Variants in EDAR observed in about 807,000 individuals in gnomAD.
The protein encoded by EDAR is ectodysplasin A receptor.
A neutral mutation model predicts 51.3 loss-of-function variants in EDAR; 38 were observed. That is an observed-to-expected ratio of 0.74 (90% CI 0.57 to 0.97). EDAR has a LOEUF of 0.97. EDAR is among the 50% of genes least tolerant of loss of function. The pLI is 0.00. For synonymous variants in EDAR, 227 were observed against 242.1 expected (o/e 0.94, Z 0.58); for missense variants, 528 against 595.0 (o/e 0.89, Z 1.17).
chr2:108,987,702 T>C (rs1698519916), intron 1 of EDAR, among the ~76,000 whole-genome samples: 1 of 152,014 alleles, frequency 6.6e-6, no homozygotes, highest in Non-Finnish European at 1.5e-5. Flanking sequence ...TGGGGAGGGG[T>C]ACAGTGGAGA....
intron 5 of EDAR, among the ~76,000 whole-genome samples, chr2:108,917,364 G>A (rs1425268291): frequency 4.6e-5 from 7 of 152,068 alleles, no homozygotes; most frequent in Non-Finnish European, 7.4e-5. Context: ...TGACTACAGC[G>A]GACAATAATG....
At chr2:108,937,804 C>T (rs969987169) in intron 1 of EDAR, among the ~76,000 whole-genome samples, 2 of 151,984 alleles carry the variant, frequency 1.3e-5, no homozygotes, top group Non-Finnish European at 1.5e-5. Context: ...CCAGACAGGC[C>T]CCATGCACAG....
At chr2:108,930,542 G>A (rs1264091614) in intron 2 of EDAR, among the ~76,000 whole-genome samples, 2 of 152,134 alleles carry the variant, frequency 1.3e-5, no homozygotes, top group Non-Finnish European at 2.9e-5. Context: ...ACTTGCCAAG[G>A]TCATGGAGGA....
intron 11 of EDAR, among the ~76,000 whole-genome samples, chr2:108,904,715 C>T (rs75640926): frequency 0.02 from 3,083 of 152,152 alleles, 90 homozygotes; most frequent in African/African-American, 0.071. Flanking sequence ...CCATTCACCA[C>T]GGTTACATAC....
rs530194340 is a variant in EDAR at position 108,984,285 on chromosome 2, T to C, written c.-19+4675A>G. On this transcript the variant is annotated intron_variant, in intron 1 of 11. Transcript: ENST00000258443. ...GGAGACCCAGCTCCTTAGAAGCAAATTACAGCAACCGGCGTGGCATGGGAT... is the reference window on the plus strand; with the variant it reads ...GGAGACCCAGCTCCTTAGAAGCAAACTACAGCAACCGGCGTGGCATGGGAT... Among the ~76,000 whole-genome samples, 13 of 152,206 alleles carry C rather than the reference T, an allele frequency of 8.5e-5. No individual in the cohort carries two copies. In the East Asian group the frequency reaches 2.1e-3, roughly 25 times the overall value.
At chr2:108,931,845 G>A (rs1697372547) in intron 1 of EDAR, among the ~76,000 whole-genome samples, 1 of 151,910 alleles carries the variant, frequency 6.6e-6, no homozygotes, top group Admixed American at 6.6e-5. Context: ...GAGATAATGT[G>A]CTCTAGTGAT....
rs1011856347 is a variant in EDAR, at chr2:108,924,168, T to C, written c.357-715A>G. On this transcript the variant is annotated intron_variant, in intron 4 of 11. Transcript: ENST00000258443. ...TCACAGTAGCTCTGTTTGAAGTCCTTCAGCTCCCAGTGATGTTCCATTATG... is the reference window on the plus strand; with the variant it reads ...TCACAGTAGCTCTGTTTGAAGTCCTCCAGCTCCCAGTGATGTTCCATTATG... Among the ~76,000 whole-genome samples, 10 of 152,228 alleles carry C rather than the reference T, an allele frequency of 6.6e-5. 1 individual carries two copies. In the East Asian group the frequency reaches 1.7e-3, roughly 26 times the overall value.
At chr2:108,960,905 C>A (rs1343190953) in intron 1 of EDAR, among the ~76,000 whole-genome samples, 2 of 152,152 alleles carry the variant, frequency 1.3e-5, no homozygotes, top group Non-Finnish European at 2.9e-5. Flanking sequence ...AAGAGTATCC[C>A]CTAAGGCTGG....
chr2:108,911,892 C>A (rs1696934905), intron 6 of EDAR, among the ~76,000 whole-genome samples: 1 of 152,242 alleles, frequency 6.6e-6, no homozygotes, highest in African/African-American at 2.4e-5. Context: ...AGCCTCCCAG[C>A]ATCATCTGGG....
chr2:108,980,504 A>G (rs1574416528), intron 1 of EDAR, among the ~76,000 whole-genome samples: 1 of 144,600 alleles, frequency 6.9e-6, no homozygotes, highest in African/African-American at 2.7e-5. Context: ...ATGTGATATT[A>G]TGTGTGTATG....
At chr2:108,971,126 C>A (rs1698224824) in intron 1 of EDAR, among the ~76,000 whole-genome samples, 1 of 152,128 alleles carries the variant, frequency 6.6e-6, no homozygotes, top group Admixed American at 6.6e-5. Context: ...GTGCCTGGAC[C>A]ACATCCTGGG....
chr2:108,926,560 C>A (rs910562868), intron 4 of EDAR, among the ~76,000 whole-genome samples: 1 of 152,236 alleles, frequency 6.6e-6, no homozygotes, highest in African/African-American at 2.4e-5. Flanking sequence ...CCTGCCCCCG[C>A]CATCCAGAAT....
At chr2:108,912,318 T>C (rs1696942708) in intron 6 of EDAR, among the ~76,000 whole-genome samples, 1 of 152,176 alleles carries the variant, frequency 6.6e-6, no homozygotes, top group Non-Finnish European at 1.5e-5. Context: ...TCAGCATGTT[T>C]ATATGAAAAC....
chr2:108,907,204 T>TTG lies in EDAR; in HGVS notation c.963+654_963+655dup, dbSNP rs142148891. Among the ~76,000 whole-genome samples the TTG allele has an allele frequency of 3.8e-4, 58 of 152,036 alleles. 1 individual carries two copies. Among genetic ancestry groups the TTG allele is most frequent in the African/African-American group, 1.2e-3 (49 of 41,478 alleles). ...TTTAAAAATGCATAGAAGAAAAACG[T>TTG]TGTGTGTGTGTGTGTCTAGAAAATT... On this transcript the variant is annotated intron_variant, in intron 10 of 11. Coordinates refer to ENST00000258443, the MANE Select transcript of EDAR (RefSeq NM_022336.4).
intron 1 of EDAR, among the ~76,000 whole-genome samples, chr2:108,972,953 G>A (rs1440309054): frequency 6.6e-6 from 1 of 152,160 alleles, no homozygotes; most frequent in Non-Finnish European, 1.5e-5. Flanking sequence ...TTAGGAAGAG[G>A]TCTCAGCAGG....
intron 1 of EDAR, among the ~76,000 whole-genome samples, chr2:108,980,829 A>G (rs2104473661): frequency 6.6e-6 from 1 of 152,298 alleles, no homozygotes; most frequent in Admixed American, 6.5e-5. Context: ...ACCTGGCACC[A>G]TACTCCATGG....
intron 1 of EDAR, among the ~76,000 whole-genome samples, chr2:108,935,755 C>G (rs1166073824): frequency 6.6e-6 from 1 of 152,214 alleles, no homozygotes; most frequent in Non-Finnish European, 1.5e-5. Context: ...ATGTGGCAAT[C>G]TTATAGGCCC....
chr2:108,930,245 G>T lies in EDAR; in HGVS notation c.52-3C>A. The T allele has an allele frequency of 1.9e-6, 3 of 1,614,042 alleles. No individual in the cohort carries two copies. Among genetic ancestry groups the T allele is most frequent in the Non-Finnish European group, 2.5e-6 (3 of 1,179,994 alleles). On this transcript the variant is annotated splice_polypyrimidine_tract_variant and splice_region_variant and intron_variant, in intron 2 of 11. Coordinates refer to ENST00000258443, the MANE Select transcript of EDAR (RefSeq NM_022336.4). ...CGGGCTGAGCACATCAGAGACACCT[G>T]CCAACAAAGGGGGGTGTTGTGGCCT... is the stretch of plus-strand genomic sequence containing the variant.
chr2:108,912,680 T>C lies in EDAR; in HGVS notation c.527A>G (p.Lys176Arg). 1 of 1,590,332 alleles carries C rather than the reference T, an allele frequency of 6.3e-7. No homozygotes were observed. The highest frequency in any genetic ancestry group is 8.6e-7 in the Non-Finnish European group (1 of 1,168,272). The change falls in exon 6 of 12, where the codon AAA becomes AGA. Residue 176 changes from lysine (K) to arginine (R), a missense_variant and splice_region_variant. Coordinates refer to ENST00000258443, the MANE Select transcript of EDAR (RefSeq NM_022336.4). ...CGATACCTGAGCACCCTCCTCACCT[T>C]TGTGGGCGTGCTGGAAGGGAGACAG... ...STLSPFQHAH[K>R]ELSGQGHLAT...
Sources: gnomAD v4.1 joint callset for allele counts (sites outside exome capture counted in the v4.1 genomes callset) on GRCh38, gnomAD v4.1.1 for gene constraint, MANE v1.5 for transcripts, NCBI Gene and HGNC (gene_info 2026-07-23, HGNC 2026-07-21) for gene names.